GALNT17: variants seen among roughly 807,000 people sequenced by gnomAD.
GALNT17 encodes UDP-GalNAc:polypeptide N-acetylgalactosaminyltransferase-like 3.
In GALNT17, 29 loss-of-function variants were observed where a neutral mutation model predicts 63.7. That is an observed-to-expected ratio of 0.46 (90% CI 0.34 to 0.62). The LOEUF is 0.62. Ranked by LOEUF, GALNT17 falls within the 20% of genes least tolerant of loss-of-function variation. The pLI is 0.01. For missense variants in GALNT17, 603 were observed against 799.6 expected (o/e 0.75, Z 2.97); for synonymous variants, 305 against 318.3 (o/e 0.96, Z 0.45).
At chr7:71,542,282 T>C (rs569026470) in intron 5 of GALNT17, among the ~76,000 whole-genome samples, 3 of 152,238 alleles carry the variant, frequency 2.0e-5, no homozygotes, top group East Asian at 1.9e-4. Context: ...CCCATAAATA[T>C]ACTTGTGTAA....
intron 2 of GALNT17, among the ~76,000 whole-genome samples, chr7:71,357,985 A>G (rs1405090815): frequency 2.6e-5 from 4 of 152,142 alleles, no homozygotes; most frequent in African/African-American, 9.7e-5. Context: ...ATGGGAGGGG[A>G]CAAATAAGGG....
intron 6 of GALNT17, among the ~76,000 whole-genome samples, chr7:71,583,304 C>A (rs1053911717): frequency 1.3e-5 from 2 of 152,164 alleles, no homozygotes; most frequent in Non-Finnish European, 1.5e-5. Flanking sequence ...CCGTGTTAGC[C>A]AGGATGGTCT....
rs1050537244 is a variant in GALNT17 at position 71,474,630 on chromosome 7, C to G, written c.962+53525C>G. Among the ~76,000 whole-genome samples, 28 of 152,056 alleles carry G rather than the reference C, an allele frequency of 1.8e-4. 1 individual carries two copies. The highest frequency in any genetic ancestry group is 2.9e-5 in the Non-Finnish European group (2 of 68,010). ...AAGTCCAGTTCAAATGAGAATTTAA[C>G]TTACAGAGGTGTATATTCTCCACCA... On this transcript the variant is annotated intron_variant, in intron 5 of 10. Transcript: ENST00000333538.
At chr7:71,643,755 C>T (rs181507776) in intron 6 of GALNT17, among the ~76,000 whole-genome samples, 140 of 152,224 alleles carry the variant, frequency 9.2e-4, no homozygotes, top group Admixed American at 2.6e-3. Context: ...AGACCCCAGG[C>T]CTAGAAGATA....
chr7:71,348,667 A>G (rs534559341), intron 2 of GALNT17, among the ~76,000 whole-genome samples: 35 of 152,208 alleles, frequency 2.3e-4, no homozygotes, highest in Non-Finnish European at 4.4e-5. Flanking sequence ...TTTGAATCAA[A>G]CCAATGTTGA....
chr7:71,614,933 A>AG (rs1376714086), intron 6 of GALNT17, among the ~76,000 whole-genome samples: 2 of 151,754 alleles, frequency 1.3e-5, no homozygotes, highest in Non-Finnish European at 2.9e-5. Flanking sequence ...AGCAAAAAAA[A>AG]CCACTTCTGG....
At chr7:71,296,098 A>C (rs775794008) in intron 1 of GALNT17, among the ~76,000 whole-genome samples, 6 of 152,276 alleles carry the variant, frequency 3.9e-5, no homozygotes, top group Non-Finnish European at 7.4e-5. Flanking sequence ...AGTTGGGGCT[A>C]TTCCTCTTGT....
At chr7:71,272,649 A>G (rs553081461) in intron 1 of GALNT17, among the ~76,000 whole-genome samples, 64 of 152,292 alleles carry the variant, frequency 4.2e-4, no homozygotes, top group Non-Finnish European at 8.2e-4. Context: ...TGCGCTTCAG[A>G]CAATCGACAG....
intron 1 of GALNT17, among the ~76,000 whole-genome samples, chr7:71,246,911 T>A (rs1036290458): frequency 1.2e-4 from 17 of 146,062 alleles, no homozygotes; most frequent in Non-Finnish European, 2.2e-4. Context: ...GATATAAGCA[T>A]AATGTAAATA....
At chr7:71,408,764 T>C (rs1021257789) in intron 3 of GALNT17, among the ~76,000 whole-genome samples, 7 of 151,984 alleles carry the variant, frequency 4.6e-5, no homozygotes, top group Non-Finnish European at 8.8e-5. Context: ...TTCCAGGTAC[T>C]CAGGAGGCTG....
intron 1 of GALNT17, among the ~76,000 whole-genome samples, chr7:71,245,797 A>C (rs1790082612): frequency 6.6e-6 from 1 of 150,844 alleles, no homozygotes; most frequent in Admixed American, 6.6e-5. Flanking sequence ...AGAAATCAAT[A>C]GGGGAAGACT....
intron 5 of GALNT17, among the ~76,000 whole-genome samples, chr7:71,472,293 A>T (rs1173560193): frequency 1.3e-5 from 2 of 152,196 alleles, no homozygotes; most frequent in Admixed American, 6.5e-5. Flanking sequence ...TTTCAACATG[A>T]GAGTTTGGAG....
At chr7:71,528,409 C>T (rs761297024) in intron 5 of GALNT17, among the ~76,000 whole-genome samples, 1 of 152,148 alleles carries the variant, frequency 6.6e-6, no homozygotes, top group Non-Finnish European at 1.5e-5. Context: ...TAACCAGTGA[C>T]CCCAAATCAT....
rs149347291 is a variant in GALNT17 at position 71,194,838 on chromosome 7, G to C, written c.238+61798G>C. ...TACATCAGAGCCCTTCAGCATCACG[G>C]TGCTGTCTCAGATTTGTACAGCCCT... On this transcript the variant is annotated intron_variant, in intron 1 of 10. Transcript: ENST00000333538. 3.3e-5 allele frequency among the ~76,000 whole-genome samples: 5 copies of C among 152,250 alleles called. No homozygotes were observed. In the East Asian group the frequency reaches 9.7e-4, roughly 29 times the overall value.
Position 71,421,074 on chromosome 7 carries a change from T to G in GALNT17, c.931T>G (p.Trp311Gly). The G allele has an allele frequency of 6.2e-7, 1 of 1,614,014 alleles. No individual in the cohort carries two copies. Among genetic ancestry groups the G allele is most frequent in the Non-Finnish European group, 8.5e-7 (1 of 1,180,002 alleles). Residue 311 changes from tryptophan (W) to glycine (G), a missense_variant, in exon 5 of 11, where the codon TGG (tryptophan) becomes GGG (glycine). By Grantham distance (184) the Trp-to-Gly change is radical (BLOSUM62 -2). Coordinates refer to ENST00000333538, the MANE Select transcript of GALNT17 (RefSeq NM_022479.3). ...CMYISPPKDWWDAGDPSLPIR... is the reference protein window; with the variant it reads ...CMYISPPKDWGDAGDPSLPIR... ...GTACATCAGCCCCCCAAAAGACTGG[T>G]GGGACGCCGGAGACCCTTCTCTCCC...
chr7:71,576,527 CT>C (rs1459981793), intron 6 of GALNT17, among the ~76,000 whole-genome samples: 3 of 80,664 alleles, frequency 3.7e-5, no homozygotes. Flanking sequence ...TGTTTTTTAA[CT>C]TTGTGTGTGT....
chr7:71,487,724 A>G (rs1479538548), intron 5 of GALNT17, among the ~76,000 whole-genome samples: 1 of 152,218 alleles, frequency 6.6e-6, no homozygotes, highest in African/African-American at 2.4e-5. Flanking sequence ...TATTAAAAAT[A>G]ATGGCAAAAC....
intron 5 of GALNT17, among the ~76,000 whole-genome samples, chr7:71,493,171 A>C (rs1248416867): frequency 6.6e-6 from 1 of 152,182 alleles, no homozygotes. Context: ...CTAATGCTCA[A>C]ATCCAGCCAG....
intron 1 of GALNT17, among the ~76,000 whole-genome samples, chr7:71,185,875 G>A (rs769718695): frequency 3.3e-5 from 5 of 152,132 alleles, no homozygotes; most frequent in Non-Finnish European, 7.4e-5. Flanking sequence ...ATAGTCAGTC[G>A]TAGAGTCATT....
Sources: gnomAD v4.1 joint callset for allele counts (sites outside exome capture counted in the v4.1 genomes callset) on GRCh38, gnomAD v4.1.1 for gene constraint, MANE v1.5 for transcripts, NCBI Gene and HGNC (gene_info 2026-07-23, HGNC 2026-07-21) for gene names.